Variants in SEC24A observed in about 807,000 individuals in gnomAD.
SEC24A encodes the protein SEC24 homolog A, COPII component.
Under a neutral mutation model 129.4 loss-of-function variants are expected in SEC24A, and 93 were observed. The ratio of observed to expected loss-of-function variants is 0.72; its 90% CI spans 0.61 to 0.85. The LOEUF (loss-of-function observed/expected upper bound fraction) is 0.85, where lower values mean the gene tolerates loss of function less well. SEC24A is among the 40% of genes least tolerant of loss of function. The probability of loss-of-function intolerance (pLI) is 0.00; values close to 1 mark genes in which losing one functional copy is unlikely to be tolerated. For synonymous variants in SEC24A, 460 were observed against 467.3 expected (o/e 0.98, Z 0.20); for missense variants, 1,264 against 1,307.4 (o/e 0.97, Z 0.51).
In SEC24A at chr5:134,676,080, C is replaced by T. The variant is rs1473145275; in HGVS notation, c.1209C>T (p.Ala403=). 6.2e-7 allele frequency: 1 copy of T among 1,613,100 alleles called. No homozygotes were observed. The change falls in exon 7 of 23, where the codon GCC becomes GCT. Residue 403 remains alanine (A), a synonymous_variant. Coordinates refer to ENST00000398844, the MANE Select transcript of SEC24A (RefSeq NM_021982.3). The part of the protein sequence containing the change: ...IPQTQALLNK[A]KLPLGLLLHP... ...AGACGCAGGCCTTATTGAATAAAGC[C>T]AAACTTCCTTTGGGGCTGCTGCTTC...
chr5:134,715,251 A>AT lies in SEC24A; in HGVS notation c.2865+93dup, dbSNP rs1561832998. 6 of 1,123,108 alleles carry AT rather than the reference A, an allele frequency of 5.3e-6. No homozygotes were observed. In the East Asian group the frequency reaches 1.6e-4, roughly 29 times the overall value. 69.6% of individuals were successfully genotyped at this position (1,123,108 alleles called of 1,614,324 possible). The stretch of plus-strand genomic sequence containing the variant: ...AGAAATGAGGAAGGGTTTGTTTATT[A>AT]TTTAAGGCTTTAGCTTTTATTTTAT... On this transcript the variant is annotated intron_variant, in intron 19 of 22. Coordinates refer to ENST00000398844, the MANE Select transcript of SEC24A (RefSeq NM_021982.3).
chr5:134,718,609 A>G (rs191871020), intron 20 of SEC24A, among the ~76,000 whole-genome samples: 1 of 152,298 alleles, frequency 6.6e-6, no homozygotes, highest in East Asian at 1.9e-4. Flanking sequence ...GACGCTGTAT[A>G]GGCCTGGGCT....
chr5:134,675,432 T>A (rs1449963598), intron 6 of SEC24A, among the ~76,000 whole-genome samples: 8 of 152,206 alleles, frequency 5.3e-5, no homozygotes, highest in Non-Finnish European at 1.0e-4. Context: ...TTTGTTCTTA[T>A]CAGCTCTAAT....
At chr5:134,676,438 CTTTT>C (rs34581398) in intron 7 of SEC24A, among the ~76,000 whole-genome samples, 4 of 84,206 alleles carry the variant, frequency 4.8e-5, no homozygotes, top group Non-Finnish European at 8.8e-5. Context: ...GCGCCCGGCT[CTTTT>C]TTTTTTTTTT....
intron 7 of SEC24A, among the ~76,000 whole-genome samples, chr5:134,678,733 C>T (rs1751156673): frequency 6.6e-6 from 1 of 152,146 alleles, no homozygotes; most frequent in Non-Finnish European, 1.5e-5. Context: ...AGGCACCTGC[C>T]ACTACGCCTA....
At chr5:134,664,792 CTTTTTTTT>C (rs70976552) in intron 2 of SEC24A, among the ~76,000 whole-genome samples, 3 of 86,204 alleles carry the variant, frequency 3.5e-5, no homozygotes, top group Non-Finnish European at 6.5e-5. Context: ...TTTTCTTTTT[CTTTTTTTT>C]TTTTTTTTTT....
intron 1 of SEC24A, among the ~76,000 whole-genome samples, chr5:134,650,361 T>C (rs1304196098): frequency 6.6e-6 from 1 of 152,176 alleles, no homozygotes; most frequent in Non-Finnish European, 1.5e-5. Flanking sequence ...AATCTATAAA[T>C]TGCAGTTTTA....
At chr5:134,670,913 C>T (rs553220151) in intron 3 of SEC24A, among the ~76,000 whole-genome samples, 18 of 152,076 alleles carry the variant, frequency 1.2e-4, no homozygotes, top group Non-Finnish European at 2.2e-4. Flanking sequence ...CCCTTGAACC[C>T]AGGAGGTGGA....
intron 11 of SEC24A, among the ~76,000 whole-genome samples, chr5:134,689,653 C>T (rs1284103811): frequency 1.3e-5 from 2 of 151,630 alleles, no homozygotes; most frequent in Non-Finnish European, 2.9e-5. Context: ...CCCAGCTACT[C>T]GGGAGGCTGA....
rs1343061596 is a variant in SEC24A, at chr5:134,698,037, T to C, written c.2246T>C (p.Met749Thr). Residue 749 changes from methionine (M) to threonine (T), a missense_variant, in exon 15 of 23, where the codon ATG becomes ACG. By Grantham distance (81) the Met-to-Thr change is moderately conservative. Transcript: ENST00000398844. ...LTRKIGFEAV[M>T]RIRCTKGLSI... The stretch of plus-strand genomic sequence containing the variant: ...CGGAAGATTGGCTTTGAGGCAGTCA[T>C]GAGGATTCGGTGCACCAAAGGTAGG... 2.5e-6 allele frequency: 4 copies of C among 1,611,104 alleles called. No homozygotes were observed. The highest frequency in any genetic ancestry group is 4.5e-5 in the East Asian group (2 of 44,870).
intron 18 of SEC24A, among the ~76,000 whole-genome samples, chr5:134,714,043 A>C (rs968844814): frequency 3.3e-5 from 5 of 151,140 alleles, no homozygotes; most frequent in Non-Finnish European, 4.4e-5. Context: ...CTCCGTCACA[A>C]AAAAAAAACC....
chr5:134,675,909 A>G, intron 6 of SEC24A, 114 bp from the exon 7 acceptor site: 1 of 658,128 alleles, frequency 1.5e-6, no homozygotes, highest in Non-Finnish European at 2.5e-6. Context: ...CTATTGAAAT[A>G]TTTCATCTGT....
intron 19 of SEC24A, among the ~76,000 whole-genome samples, chr5:134,715,851 TAAAA>T (rs34876785): frequency 2.1e-5 from 3 of 140,550 alleles, no homozygotes; most frequent in East Asian, 2.1e-4. Flanking sequence ...CTTAAAGTAT[TAAAA>T]AAAAAAAAAA....
chr5:134,665,953 A>G (rs147033460), intron 2 of SEC24A, among the ~76,000 whole-genome samples: 2 of 152,202 alleles, frequency 1.3e-5, no homozygotes, highest in Non-Finnish European at 2.9e-5. Context: ...AATATGACAC[A>G]TGGCCTATTG....
chr5:134,691,583 A>G (rs1408918224), intron 11 of SEC24A, among the ~76,000 whole-genome samples: 6 of 144,480 alleles, frequency 4.2e-5, no homozygotes, highest in Non-Finnish European at 7.6e-5. Context: ...GCTCACTGCA[A>G]CCTCCGCCTC....
At chr5:134,655,759 T>G (rs1750223359) in intron 1 of SEC24A, among the ~76,000 whole-genome samples, 1 of 152,178 alleles carries the variant, frequency 6.6e-6, no homozygotes, top group South Asian at 2.1e-4. Flanking sequence ...GAGCTGCATT[T>G]GATACCTTTG....
chr5:134,672,191 T>C (rs1045322579), intron 4 of SEC24A, among the ~76,000 whole-genome samples: 2 of 151,260 alleles, frequency 1.3e-5, no homozygotes, highest in Admixed American at 1.3e-4. Flanking sequence ...CTTTTTGTTT[T>C]TGTTTTTGTT....
intron 1 of SEC24A, among the ~76,000 whole-genome samples, chr5:134,660,504 T>A (rs1325102172): frequency 1.3e-5 from 2 of 152,106 alleles, no homozygotes; most frequent in Non-Finnish European, 1.5e-5. Flanking sequence ...TATATATTAT[T>A]TTTTTACAAA....
intron 2 of SEC24A, among the ~76,000 whole-genome samples, chr5:134,664,381 A>G (rs1392135334): frequency 6.6e-6 from 1 of 152,096 alleles, no homozygotes; most frequent in Non-Finnish European, 1.5e-5. Flanking sequence ...AAGCATCATT[A>G]TACTCATTTA....
Sources: allele counts gnomAD v4.1 joint callset (sites outside exome capture counted in the v4.1 genomes callset), GRCh38; gene constraint gnomAD v4.1.1; transcripts MANE v1.5; gene names NCBI Gene and HGNC (gene_info 2026-07-23, HGNC 2026-07-21).